Variants in TOX2 observed in about 807,000 individuals in gnomAD.
TOX2 encodes granulosa cell HMG box 1.
In TOX2, 15 loss-of-function variants were observed where a neutral mutation model predicts 47.4. The observed-to-expected ratio is 0.32, with a 90% CI of 0.21 to 0.49. The LOEUF is 0.49. TOX2 is among the 20% of genes least tolerant of loss of function. The pLI is 0.99. For synonymous variants in TOX2, 290 were observed against 296.6 expected (o/e 0.98, Z 0.23); for missense variants, 622 against 673.1 (o/e 0.92, Z 0.84).
intron 1 of TOX2, among the ~76,000 whole-genome samples, chr20:43,961,153 A>G (rs1244617889): frequency 6.6e-6 from 1 of 152,362 alleles, no homozygotes; most frequent in East Asian, 1.9e-4. Context: ...CCAGCCCAAG[A>G]GTGGCTATCA....
intron 3 of TOX2, among the ~76,000 whole-genome samples, chr20:44,026,864 G>A (rs1203811859): frequency 6.6e-6 from 1 of 152,082 alleles, no homozygotes; most frequent in Non-Finnish European, 1.5e-5. Context: ...CCCCATCCCT[G>A]AGCACCCACA....
chr20:44,006,876 G>A, intron 3 of TOX2, 84 bp downstream of exon 3: 1 of 1,495,612 alleles, frequency 6.7e-7, no homozygotes, highest in Admixed American at 2.1e-5. Context: ...TTGATGCTTT[G>A]ATAAGAACTC....
At chr20:44,028,088 G>A (rs773564479) in intron 3 of TOX2, among the ~76,000 whole-genome samples, 15 of 152,208 alleles carry the variant, frequency 9.9e-5, no homozygotes, top group Non-Finnish European at 1.6e-4. Context: ...CCGAAGGTAC[G>A]ACTAACAGCT....
chr20:43,989,019 G>A (rs1243815836), intron 2 of TOX2, among the ~76,000 whole-genome samples: 1 of 152,148 alleles, frequency 6.6e-6, no homozygotes, highest in Non-Finnish European at 1.5e-5. Context: ...CAGTTAGTCT[G>A]AGTCAAAGTG....
In TOX2 at chr20:44,012,014, A is replaced by C. The variant is rs16988597; in HGVS notation, c.411+5222A>C. ...TTAACTGATTAAACATTTATTTCCA[A>C]GACAAAAAGAGTCAATTTAGTATGA... On this transcript the variant is annotated intron_variant, in intron 3 of 8. Transcript: ENST00000341197. 8.4e-3 allele frequency among the ~76,000 whole-genome samples: 1,273 copies of C among 152,364 alleles called. 23 individuals are homozygous for C. The highest frequency in any genetic ancestry group is 0.029 in the African/African-American group (1,198 of 41,584).
intron 1 of TOX2, among the ~76,000 whole-genome samples, chr20:43,947,284 C>T (rs1219898383): frequency 2.0e-5 from 3 of 152,256 alleles, no homozygotes; most frequent in Non-Finnish European, 2.9e-5. Flanking sequence ...CTGATGCCTA[C>T]TTTCTTGTGT....
At chr20:44,014,706 A>G (rs997604609) in intron 3 of TOX2, among the ~76,000 whole-genome samples, 1 of 152,176 alleles carries the variant, frequency 6.6e-6, no homozygotes, top group African/African-American at 2.4e-5. Context: ...AGTGTCACGC[A>G]TAGGCAATTG....
In TOX2 at chr20:44,051,497, C is replaced by A. The variant is rs1424970155; in HGVS notation, c.603C>A (p.Pro201=). The change falls in exon 4 of 9, where the codon CCC becomes CCA. Residue 201 remains proline (P), a synonymous_variant. Coordinates refer to ENST00000341197, the MANE Select transcript of TOX2 (RefSeq NM_001098797.2). ...PSPPGSKSAT[P]SPSSSTQEEE... is the part of the protein sequence containing the mutation. ...CGCCGGGGAGCAAGTCAGCGACCCC[C>A]TCTCCCTCCAGCTCCACTCAGGAAG... 1.2e-6 allele frequency: 2 copies of A among 1,612,124 alleles called. No homozygotes were observed. The highest frequency in any genetic ancestry group is 3.3e-5 in the Admixed American group (2 of 59,936).
At chr20:44,042,239 C>T (rs922573537) in intron 3 of TOX2, among the ~76,000 whole-genome samples, 2 of 152,200 alleles carry the variant, frequency 1.3e-5, no homozygotes, top group Admixed American at 6.5e-5. Context: ...TATTCACTAT[C>T]ACAAGAACAG....
intron 1 of TOX2, among the ~76,000 whole-genome samples, chr20:43,965,779 T>C (rs979086817): frequency 1.3e-5 from 2 of 152,044 alleles, no homozygotes; most frequent in Non-Finnish European, 2.9e-5. Context: ...GTAGAAGACA[T>C]GGGAGGGACA....
At chr20:43,941,079 C>G (rs1466451820) in intron 1 of TOX2, among the ~76,000 whole-genome samples, 1 of 152,138 alleles carries the variant, frequency 6.6e-6, no homozygotes, top group Non-Finnish European at 1.5e-5. Flanking sequence ...CCATGGAAAT[C>G]AACCCTGGTA....
At chr20:43,945,043 G>A (rs1569019784) in intron 1 of TOX2, among the ~76,000 whole-genome samples, 1 of 152,218 alleles carries the variant, frequency 6.6e-6, no homozygotes, top group Admixed American at 6.5e-5. Flanking sequence ...TGTGGTGGGT[G>A]ACCTTGGCCT....
chr20:44,028,280 G>A (rs1204554951), intron 3 of TOX2, among the ~76,000 whole-genome samples: 1 of 152,066 alleles, frequency 6.6e-6, no homozygotes, highest in Non-Finnish European at 1.5e-5. Flanking sequence ...CATTCCCAGA[G>A]GGGGTGCTGT....
intron 1 of TOX2, among the ~76,000 whole-genome samples, chr20:43,917,632 C>T (rs1230443231): frequency 6.6e-6 from 1 of 152,106 alleles, no homozygotes; most frequent in Non-Finnish European, 1.5e-5. Flanking sequence ...ATCCCCTTGG[C>T]GACTGTCCCC....
At chr20:44,046,742 A>G (rs2071413966) in intron 3 of TOX2, among the ~76,000 whole-genome samples, 1 of 152,236 alleles carries the variant, frequency 6.6e-6, no homozygotes, top group South Asian at 2.1e-4. Flanking sequence ...TGTTTATTGA[A>G]TAGACATATG....
rs949133829 is a variant in TOX2 at position 43,916,428 on chromosome 20, T to C, written c.99+1438T>C. On this transcript the variant is annotated intron_variant, in intron 1 of 8. Transcript: ENST00000341197. This position sits in a 1 kb window ranked among gnomAD's most constrained non-coding sequence, Gnocchi z 5.0. Reference sequence around the variant, plus strand: ...TGCAGTTCGCCAGGGGCAGCAAGCATCCAGGCCACTAGGGCCTGCGCGATG... The same window carrying C: ...TGCAGTTCGCCAGGGGCAGCAAGCACCCAGGCCACTAGGGCCTGCGCGATG... Among the ~76,000 whole-genome samples the C allele has an allele frequency of 1.3e-5, 2 of 152,170 alleles. No individual in the cohort carries two copies. Among genetic ancestry groups the C allele is most frequent in the East Asian group, 3.9e-4 (2 of 5,182 alleles).
intron 1 of TOX2, among the ~76,000 whole-genome samples, chr20:43,968,628 G>T (rs2145456224): frequency 6.6e-6 from 1 of 152,328 alleles, no homozygotes; most frequent in East Asian, 1.9e-4. Flanking sequence ...AAAAATGTGG[G>T]TTCTTTCAGA....
At chr20:43,921,735 T>G (rs1210726284) in intron 1 of TOX2, among the ~76,000 whole-genome samples, 1 of 151,960 alleles carries the variant, frequency 6.6e-6, no homozygotes, top group Non-Finnish European at 1.5e-5. Context: ...CATAGCTCAG[T>G]GTAGCCTCAA....
chr20:44,024,892 C>G (rs1419423464), intron 3 of TOX2, among the ~76,000 whole-genome samples: 1 of 152,158 alleles, frequency 6.6e-6, no homozygotes, highest in East Asian at 1.9e-4. Flanking sequence ...GAATGTGATG[C>G]CTTTTCCTGT....
Sources: allele counts gnomAD v4.1 joint callset (sites outside exome capture counted in the v4.1 genomes callset), GRCh38; gene constraint gnomAD v4.1.1; non-coding constraint Gnocchi (gnomAD v3.1); transcripts MANE v1.5; gene names NCBI Gene and HGNC (gene_info 2026-07-23, HGNC 2026-07-21).